Variants in SMARCC1 observed in about 807,000 individuals in gnomAD.
The protein encoded by SMARCC1 is SWI/SNF complex subunit SMARCC1.
In SMARCC1, 43 loss-of-function variants were observed where a neutral mutation model predicts 147.4. The observed-to-expected ratio is 0.29, with a 90% CI of 0.23 to 0.38. SMARCC1 has a LOEUF of 0.38. SMARCC1 is among the 10% of genes least tolerant of loss of function. The pLI is 1.00. For synonymous variants in SMARCC1, 495 were observed against 484.4 expected (o/e 1.02, Z -0.29); for missense variants, 1,119 against 1,381.1 (o/e 0.81, Z 3.01).
chr3:47,731,478 T>C (rs2034373905), intron 5 of SMARCC1, among the ~76,000 whole-genome samples: 1 of 152,236 alleles, frequency 6.6e-6, no homozygotes, highest in East Asian at 1.9e-4. Flanking sequence ...TAGTGGCATC[T>C]AGAATGATGA....
chr3:47,636,211 G>T, intron 22 of SMARCC1, 75 bp from the exon 23 acceptor site: 1 of 748,820 alleles, frequency 1.3e-6, no homozygotes, highest in Non-Finnish European at 2.3e-6. Flanking sequence ...AATTATCTTA[G>T]ACTAGCAAAA....
At chr3:47,710,288 A>T (rs1433232160) in intron 9 of SMARCC1, among the ~76,000 whole-genome samples, 1 of 152,216 alleles carries the variant, frequency 6.6e-6, no homozygotes, top group African/African-American at 2.4e-5. Flanking sequence ...ACTGTACTCC[A>T]GCCTGGGCTA....
chr3:47,635,110 T>C, intron 24 of SMARCC1, 80 bp downstream of exon 24: 1 of 1,271,210 alleles, frequency 7.9e-7, no homozygotes, highest in African/African-American at 1.5e-5. Flanking sequence ...CTCTTTATAC[T>C]AAATGTTCCC....
At chr3:47,717,323 C>T (rs569939985) in intron 7 of SMARCC1, among the ~76,000 whole-genome samples, 1 of 152,246 alleles carries the variant, frequency 6.6e-6, no homozygotes, top group South Asian at 2.1e-4. Context: ...AACCATAGTG[C>T]TGCCATTGAA....
chr3:47,701,455 A>G (rs781117950), intron 10 of SMARCC1, 53 bp from the exon 11 acceptor site: 17 of 1,530,810 alleles, frequency 1.1e-5, no homozygotes, highest in Admixed American at 3.4e-5. Context: ...AGCTACTGAT[A>G]GCAAACAGTT....
At chr3:47,670,597 A>G (rs901023792) in intron 19 of SMARCC1, 61 bp downstream of exon 19, 2 of 1,105,368 alleles carry the variant, frequency 1.8e-6, no homozygotes, top group Admixed American at 3.4e-5. Context: ...ATAAAACAAA[A>G]CAAAATAAAA....
rs753743918 is a variant in SMARCC1, at chr3:47,772,961, A to G, written c.196-25T>C. 2.5e-6 allele frequency: 4 copies of G among 1,604,874 alleles called. No homozygotes were observed. The South Asian group carries it at 4.4e-5, about 18-fold the overall frequency. On this transcript the variant is annotated intron_variant, in intron 1 of 27. Transcript: ENST00000254480. The stretch of plus-strand genomic sequence containing the variant: ...ACTGCAAGATAAAGACAGGCATTCA[A>G]AAACTAGTACAATTTTTGCAGGAGA...
chr3:47,608,977 C>A (rs1224349082), intron 26 of SMARCC1, among the ~76,000 whole-genome samples: 2 of 150,340 alleles, frequency 1.3e-5, no homozygotes, highest in African/African-American at 4.9e-5. Flanking sequence ...CTCTGGTGTA[C>A]AATCAGGCAC....
At chr3:47,655,843 C>T (rs1189924764) in intron 21 of SMARCC1, among the ~76,000 whole-genome samples, 3 of 152,122 alleles carry the variant, frequency 2.0e-5, no homozygotes, top group Non-Finnish European at 2.9e-5. Context: ...ACCAGACATA[C>T]ATAGTTTCAT....
Position 47,686,153 on chromosome 3 carries a change from G to C in SMARCC1, c.1281C>G (p.Ala427=). 6.2e-7 allele frequency: 1 copy of C among 1,612,124 alleles called. No homozygotes were observed. Among genetic ancestry groups the C allele is most frequent in the Non-Finnish European group, 8.5e-7 (1 of 1,178,560 alleles). The change falls in exon 14 of 28, where the codon GCC becomes GCG. Residue 427 remains alanine (A), a synonymous_variant. Transcript: ENST00000254480. The part of the protein sequence containing the change: ...TAGGKEDEDP[A]KGDQSRSVDL... ...CAACTGATCGACTCTGATCACCTTT[G>C]GCAGGATCTTCATCTTCCTATAGAA...
chr3:47,679,953 TTAACTC>T (rs966374682), intron 15 of SMARCC1, among the ~76,000 whole-genome samples: 19 of 152,178 alleles, frequency 1.2e-4, no homozygotes, highest in Admixed American at 2.6e-4. Flanking sequence ...AATCCAAACT[TTAACTC>T]TAAGAGTTGA....
intron 25 of SMARCC1, chr3:47,610,665 C>G: frequency 3.4e-6 from 1 of 293,518 alleles, no homozygotes. Context: ...AAAATACTTT[C>G]TATGGCTGTC....
chr3:47,737,971 T>G (rs2106831262), intron 4 of SMARCC1, 58 bp downstream of exon 4: 1 of 1,341,294 alleles, frequency 7.5e-7, no homozygotes, highest in Non-Finnish European at 1.0e-6. Context: ...CCAGCCAATC[T>G]TAAAACTGAA....
At chr3:47,736,505 C>G (rs965138045) in intron 4 of SMARCC1, among the ~76,000 whole-genome samples, 1 of 130,884 alleles carries the variant, frequency 7.6e-6, no homozygotes, top group South Asian at 2.5e-4. Context: ...GAAACCCTGT[C>G]TCTACTAAAA....
At chr3:47,718,759 G>T (rs1476683814) in intron 7 of SMARCC1, among the ~76,000 whole-genome samples, 1 of 151,922 alleles carries the variant, frequency 6.6e-6, no homozygotes, top group Non-Finnish European at 1.5e-5. Context: ...GACTAGACCT[G>T]TAGAAAACAC....
At chr3:47,635,141 A>G in intron 24 of SMARCC1, 49 bp downstream of exon 24, 6 of 1,535,032 alleles carry the variant, frequency 3.9e-6, no homozygotes, top group Non-Finnish European at 5.4e-6. Flanking sequence ...AAACAATACG[A>G]CCATTCATGC....
At chr3:47,632,647 A>G (rs2032908161) in intron 24 of SMARCC1, among the ~76,000 whole-genome samples, 1 of 152,132 alleles carries the variant, frequency 6.6e-6, no homozygotes, top group South Asian at 2.1e-4. Context: ...CCCAGTCTCT[A>G]CAAAAAAATT....
intron 11 of SMARCC1, among the ~76,000 whole-genome samples, chr3:47,698,253 T>C (rs377353236): frequency 6.6e-6 from 1 of 152,114 alleles, no homozygotes; most frequent in East Asian, 1.9e-4. Context: ...TGAAGAACGG[T>C]ATCAAAATTT....
intron 25 of SMARCC1, among the ~76,000 whole-genome samples, chr3:47,620,517 A>AAT (rs1445711526): frequency 2.6e-5 from 4 of 151,952 alleles, no homozygotes; most frequent in Non-Finnish European, 4.4e-5. Context: ...GAGCTTACTT[A>AAT]ATCTCTTTTT....
Sources: allele counts gnomAD v4.1 joint callset (sites outside exome capture counted in the v4.1 genomes callset), GRCh38; gene constraint gnomAD v4.1.1; transcripts MANE v1.5; gene names NCBI Gene and HGNC (gene_info 2026-07-23, HGNC 2026-07-21).